The following WDR70 variants were observed in gnomAD, a reference collection of about 807,000 sequenced individuals.
WDR70 encodes WD repeat domain 70.
Under a neutral mutation model 88.6 loss-of-function variants are expected in WDR70, and 53 were observed. That is an observed-to-expected ratio of 0.60 (90% CI 0.48 to 0.75). WDR70 has a LOEUF of 0.75. Among genes scored for constraint, WDR70 ranks in the 30% least tolerant of loss-of-function variants. WDR70 has a pLI of 0.00. For missense variants in WDR70, 610 were observed against 823.2 expected, an observed-to-expected ratio of 0.74 and a Z score of 3.17; for synonymous variants, 280 against 270.0, an observed-to-expected ratio of 1.04 and a Z score of -0.36.
At chr5:37,432,708 C>T (rs778904384) in intron 5 of WDR70, among the ~76,000 whole-genome samples, 9 of 151,412 alleles carry the variant, frequency 5.9e-5, no homozygotes, top group South Asian at 2.1e-4. Flanking sequence ...TGAGCCACCG[C>T]GCCCGGCCTT....
At chr5:37,515,399 A>G (rs571796161) in intron 8 of WDR70, among the ~76,000 whole-genome samples, 1 of 152,354 alleles carries the variant, frequency 6.6e-6, no homozygotes, top group African/African-American at 2.4e-5. Context: ...AGAAATGTCA[A>G]GTAGATAGTT....
intron 5 of WDR70, among the ~76,000 whole-genome samples, chr5:37,406,941 G>A (rs10067278): frequency 0.11 from 16,590 of 152,186 alleles, 2,944 homozygotes; most frequent in African/African-American, 0.37. Context: ...GGGAATATTG[G>A]TGTAGTTTAT....
intron 10 of WDR70, among the ~76,000 whole-genome samples, chr5:37,675,049 TC>T (rs2112602089): frequency 6.6e-6 from 1 of 151,980 alleles, no homozygotes; most frequent in East Asian, 1.9e-4. Context: ...AAGTGTCTGT[TC>T]ATGTCCTTCG....
rs190284565 is a variant in WDR70 at position 37,535,401 on chromosome 5, G to A, written c.917+18811G>A. On this transcript the variant is annotated intron_variant, in intron 9 of 17. Coordinates refer to ENST00000265107, the MANE Select transcript of WDR70 (RefSeq NM_018034.4). ...TCATAGATTGGTAGGAAAAGTGAGA[G>A]TGATAGGAAATGAGTTTGGAAAAGA... Among the ~76,000 whole-genome samples the A allele has an allele frequency of 2.3e-3, 350 of 152,244 alleles. 2 individuals carry two copies. Among genetic ancestry groups the A allele is most frequent in the African/African-American group, 8.2e-3 (339 of 41,542 alleles).
chr5:37,687,756 A>G (rs1250007963), intron 10 of WDR70, among the ~76,000 whole-genome samples: 1 of 149,488 alleles, frequency 6.7e-6, no homozygotes, highest in African/African-American at 2.5e-5. Context: ...TTTTTTTTTT[A>G]ATTTCAGAAA....
At chr5:37,528,779 T>G (rs1045755410) in intron 9 of WDR70, among the ~76,000 whole-genome samples, 2 of 152,216 alleles carry the variant, frequency 1.3e-5, no homozygotes, top group African/African-American at 2.4e-5. Context: ...TTAACTCTGC[T>G]GATTATTTCT....
At chr5:37,474,972 G>A (rs927021827) in intron 7 of WDR70, among the ~76,000 whole-genome samples, 3 of 152,072 alleles carry the variant, frequency 2.0e-5, no homozygotes, top group Admixed American at 6.5e-5. Flanking sequence ...AGGCTGGAGT[G>A]CAGTGGCATG....
chr5:37,450,503 T>C (rs553849952), intron 7 of WDR70, among the ~76,000 whole-genome samples: 10 of 152,340 alleles, frequency 6.6e-5, no homozygotes, highest in African/African-American at 2.2e-4. Context: ...CAGTACTATG[T>C]TGATTTATTC....
At chr5:37,604,317 T>C (rs1743969471) in intron 9 of WDR70, among the ~76,000 whole-genome samples, 1 of 152,256 alleles carries the variant, frequency 6.6e-6, no homozygotes, top group Non-Finnish European at 1.5e-5. Context: ...TTTAGAACTT[T>C]AAGGATGTTG....
intron 8 of WDR70, among the ~76,000 whole-genome samples, chr5:37,511,637 T>C (rs1386768376): frequency 1.3e-5 from 2 of 152,194 alleles, no homozygotes; most frequent in African/African-American, 4.8e-5. Context: ...AGAGAATAAC[T>C]AACACATATA....
rs577007901 is a variant in WDR70, at chr5:37,398,694, A to G, written c.492+2124A>G. ...TATGCACATGCATTCATGTGTGTGC[A>G]TATGTAAAATTAAGAAAACAAACAA... On this transcript the variant is annotated intron_variant, in intron 5 of 17. Coordinates refer to ENST00000265107, the MANE Select transcript of WDR70 (RefSeq NM_018034.4). Among the ~76,000 whole-genome samples, 3 of 152,352 alleles carry G rather than the reference A, an allele frequency of 2.0e-5. No homozygotes were observed. The East Asian group carries it at 5.8e-4, about 29-fold the overall frequency.
chr5:37,527,921 A>G (rs1031908510), intron 9 of WDR70, among the ~76,000 whole-genome samples: 25 of 152,336 alleles, frequency 1.6e-4, no homozygotes, highest in Non-Finnish European at 3.2e-4. Flanking sequence ...AATCAAAACC[A>G]CAATGAGATA....
intron 9 of WDR70, among the ~76,000 whole-genome samples, chr5:37,579,388 A>G (rs1344141275): frequency 6.6e-6 from 1 of 152,028 alleles, no homozygotes; most frequent in Non-Finnish European, 1.5e-5. Flanking sequence ...GATTGAGACC[A>G]TCCCGGCCAA....
chr5:37,401,274 T>C (rs1749184437), intron 5 of WDR70, among the ~76,000 whole-genome samples: 1 of 145,284 alleles, frequency 6.9e-6, no homozygotes, highest in South Asian at 2.3e-4. Context: ...CCTCCCAAAG[T>C]GCTGGGATTA....
intron 9 of WDR70, among the ~76,000 whole-genome samples, chr5:37,561,275 T>C (rs1300571105): frequency 1.3e-5 from 2 of 152,154 alleles, no homozygotes; most frequent in Non-Finnish European, 2.9e-5. Flanking sequence ...GTATCCTCTA[T>C]CCTCTCTCTC....
chr5:37,610,111 A>G (rs1400186727), intron 10 of WDR70, among the ~76,000 whole-genome samples: 2 of 152,074 alleles, frequency 1.3e-5, no homozygotes, highest in Admixed American at 6.5e-5. Context: ...TACTAAAAAT[A>G]CAAAATTAGC....
chr5:37,485,858 A>ATGTTTTTTTTTTTTTTTTTTTT (rs1739848569), intron 8 of WDR70, among the ~76,000 whole-genome samples: 1 of 108,290 alleles, frequency 9.2e-6, no homozygotes, highest in Admixed American at 9.8e-5. Flanking sequence ...TGCCTGGCTA[A>ATGTTTTTTTTTTTTTTTTTTTT]TTTTTTTTTT....
At chr5:37,626,004 G>A (rs1581445968) in intron 10 of WDR70, among the ~76,000 whole-genome samples, 1 of 141,384 alleles carries the variant, frequency 7.1e-6, no homozygotes, top group Admixed American at 7.1e-5. Context: ...TTCTAAGAGA[G>A]TTTTTTTTTT....
In WDR70 at chr5:37,392,128, A is replaced by T. The variant is rs766067170; in HGVS notation, c.296+8A>T. ...CTCCAAATCATCTTCCAGGTGCCTG[A>T]TTTTCAGAAAGACTTCTATTAAACT... On this transcript the variant is annotated splice_region_variant and intron_variant, in intron 4 of 17. Coordinates refer to ENST00000265107, the MANE Select transcript of WDR70 (RefSeq NM_018034.4). 4 of 1,599,952 alleles carry T rather than the reference A, an allele frequency of 2.5e-6. No individual in the cohort carries two copies. The East Asian group carries it at 9.0e-5, about 36-fold the overall frequency.
Sources: allele counts gnomAD v4.1 joint callset (sites outside exome capture counted in the v4.1 genomes callset), GRCh38; gene constraint gnomAD v4.1.1; transcripts MANE v1.5; gene names NCBI Gene and HGNC (gene_info 2026-07-23, HGNC 2026-07-21).